The following PDZD2 variants were observed in gnomAD, a reference collection of about 807,000 sequenced individuals.
PDZD2 encodes the protein PDZ domain containing 2.
A neutral mutation model predicts 220.7 loss-of-function variants in PDZD2; 90 were observed. The observed-to-expected ratio is 0.41, with a 90% confidence interval of 0.34 to 0.49. The LOEUF (loss-of-function observed/expected upper bound fraction) is 0.49, where lower values mean the gene tolerates loss of function less well. Ranked by LOEUF, PDZD2 falls within the 20% of genes least tolerant of loss-of-function variation. The probability of loss-of-function intolerance (pLI) is 0.28; values close to 1 mark genes in which losing one functional copy is unlikely to be tolerated. For synonymous variants in PDZD2, 1,375 were observed against 1,450.5 expected (o/e 0.95, Z 1.18); for missense variants, 3,174 against 3,608.5 (o/e 0.88, Z 3.08).
Position 32,090,215 on chromosome 5 carries a change from G to C in PDZD2, c.6767G>C (p.Ser2256Thr), listed in dbSNP as rs1416691766. The C allele has an allele frequency of 1.9e-6, 3 of 1,614,158 alleles. No individual in the cohort carries two copies. The highest frequency in any genetic ancestry group is 2.2e-5 in the East Asian group (1 of 44,870). The change falls in exon 20 of 25, where the codon AGT becomes ACT. Residue 2256 changes from serine (S) to threonine (T), a missense_variant. This residue lies in a region of PDZD2 where 631 missense variants were observed against 789.9 expected (regional missense o/e 0.80). Transcript: ENST00000438447. This position sits in a 1 kb window ranked among gnomAD's most constrained non-coding sequence, Gnocchi z 4.3. ...SRDSQVPVTSSVVPEAKASRG... is the reference protein window; with the variant it reads ...SRDSQVPVTSTVVPEAKASRG... ...GACAGCCAGGTCCCTGTGACAAGCA[G>C]TGTTGTCCCCGAGGCAAAGGCATCC...
At chr5:31,889,569 A>G (rs1740820508) in intron 2 of PDZD2, among the ~76,000 whole-genome samples, 1 of 152,196 alleles carries the variant, frequency 6.6e-6, no homozygotes, top group South Asian at 2.1e-4. Flanking sequence ...ATTAGGTCTG[A>G]AAGGGCCATC....
intron 21 of PDZD2, among the ~76,000 whole-genome samples, chr5:32,094,647 G>C (rs545278833): frequency 4.0e-5 from 6 of 151,324 alleles, no homozygotes; most frequent in Admixed American, 4.0e-4. Flanking sequence ...ATCATCTGAG[G>C]CCAGGAGTTC....
chr5:31,774,495 C>T (rs1043555717), intron 1 of PDZD2, among the ~76,000 whole-genome samples: 6 of 152,106 alleles, frequency 3.9e-5, no homozygotes, highest in South Asian at 2.1e-4. Context: ...AGGCAGATCA[C>T]GTGAGGTCAG....
chr5:32,091,656 G>A (rs1581476914), intron 20 of PDZD2, among the ~76,000 whole-genome samples: 1 of 152,186 alleles, frequency 6.6e-6, no homozygotes, highest in Non-Finnish European at 1.5e-5. Flanking sequence ...AGAAATTAAT[G>A]TTGGAGCAAT....
chr5:32,071,274 G>C (rs1740713782), intron 15 of PDZD2, 110 bp from the exon 16 acceptor site: 8 of 806,122 alleles, frequency 9.9e-6, no homozygotes, highest in South Asian at 9.8e-5. Flanking sequence ...ATCAAGCAAA[G>C]GGAGTTTTGT....
intron 2 of PDZD2, among the ~76,000 whole-genome samples, chr5:31,933,771 C>A (rs1444301231): frequency 6.6e-6 from 1 of 152,162 alleles, no homozygotes; most frequent in Non-Finnish European, 1.5e-5. Context: ...GAAAGTAGAA[C>A]TCAGTGATCT....
chr5:31,735,881 G>T (rs918876557), intron 1 of PDZD2, among the ~76,000 whole-genome samples: 6 of 152,170 alleles, frequency 3.9e-5, no homozygotes, highest in African/African-American at 1.4e-4. Flanking sequence ...GAAGGCAGAG[G>T]TTGCAGTGAG....
intron 1 of PDZD2, among the ~76,000 whole-genome samples, chr5:31,755,217 G>T (rs201534169): frequency 1.3e-5 from 2 of 150,034 alleles, no homozygotes; most frequent in Non-Finnish European, 3.0e-5. Context: ...TCCTAATTTT[G>T]CTGGTTTCTG....
chr5:31,686,789 A>C (rs552060599), intron 1 of PDZD2, among the ~76,000 whole-genome samples: 3 of 152,270 alleles, frequency 2.0e-5, no homozygotes, highest in South Asian at 4.2e-4. Context: ...TATATTTTTC[A>C]AACTTATTTT....
At chr5:31,894,926 T>C (rs34997938) in intron 2 of PDZD2, among the ~76,000 whole-genome samples, 15,162 of 152,156 alleles carry the variant, frequency 0.1, 902 homozygotes, top group East Asian at 0.29. Flanking sequence ...TCTCACCCCA[T>C]GGCCCAGGCT....
chr5:31,885,246 T>A (rs1387517622), intron 2 of PDZD2, among the ~76,000 whole-genome samples: 1 of 151,722 alleles, frequency 6.6e-6, no homozygotes, highest in African/African-American at 2.4e-5. Context: ...TTTTTTTTTT[T>A]AATACTACTC....
chr5:31,823,450 A>G (rs1756028903), intron 2 of PDZD2, among the ~76,000 whole-genome samples: 1 of 152,180 alleles, frequency 6.6e-6, no homozygotes, highest in Non-Finnish European at 1.5e-5. Context: ...CCTGGGAGAC[A>G]GAGTGAGACT....
intron 10 of PDZD2, 23 bp from the exon 11 acceptor site, chr5:32,057,632 T>C: frequency 2.2e-6 from 3 of 1,383,744 alleles, no homozygotes; most frequent in Non-Finnish European, 3.1e-6. Context: ...AATGTTAATG[T>C]AATTCTCACA....
intron 1 of PDZD2, among the ~76,000 whole-genome samples, chr5:31,757,968 A>G (rs1348576718): frequency 6.6e-6 from 1 of 152,156 alleles, no homozygotes; most frequent in African/African-American, 2.4e-5. Context: ...TTTTTATTGC[A>G]CTGTTAATTC....
rs1741066903 is a variant in PDZD2, at chr5:32,074,360, C to A, written c.3254C>A (p.Pro1085His). The change falls in exon 18 of 25, where the codon CCC becomes CAC. Residue 1085 changes from proline to histidine, a missense_variant. By Grantham distance (77) the Pro-to-His change is moderately conservative. Coordinates refer to ENST00000438447, the MANE Select transcript of PDZD2 (RefSeq NM_178140.4). ...KKELSGSSSA[P>H]KLEYTVRTDT... ...GAACTGTCAGGATCAAGTAGCGCAC[C>A]CAAATTGGAATACACAGTCCGTACA... 2 of 1,614,152 alleles carry A rather than the reference C, an allele frequency of 1.2e-6. No individual in the cohort carries two copies. Among genetic ancestry groups the A allele is most frequent in the South Asian group, 1.1e-5 (1 of 91,078 alleles).
At chr5:31,962,182 C>G (rs2111705607) in intron 2 of PDZD2, among the ~76,000 whole-genome samples, 1 of 152,252 alleles carries the variant, frequency 6.6e-6, no homozygotes, top group Admixed American at 6.5e-5. Context: ...CCTTTTTCAG[C>G]TCTTCTCTTA....
At chr5:31,835,751 A>G (rs774144624) in intron 2 of PDZD2, among the ~76,000 whole-genome samples, 7 of 152,296 alleles carry the variant, frequency 4.6e-5, no homozygotes, top group Non-Finnish European at 1.0e-4. Context: ...TTAACTTTTC[A>G]TCAATTGGAC....
intron 2 of PDZD2, among the ~76,000 whole-genome samples, chr5:31,853,967 G>A (rs2150301936): frequency 6.6e-6 from 1 of 152,312 alleles, no homozygotes; most frequent in African/African-American, 2.4e-5. Flanking sequence ...GAAGCCAGGT[G>A]AAATGTGTTT....
chr5:31,956,464 G>A lies in PDZD2; in HGVS notation c.477-26691G>A, dbSNP rs183247170. On this transcript the variant is annotated intron_variant, in intron 2 of 24. Coordinates refer to ENST00000438447, the MANE Select transcript of PDZD2 (RefSeq NM_178140.4). ...CGGGAGGCTGAGGCAGGAGAATGGCGTGAACCCGGGAGACAGAGCTTGCAG... is the reference window on the plus strand; with the variant it reads ...CGGGAGGCTGAGGCAGGAGAATGGCATGAACCCGGGAGACAGAGCTTGCAG... Among the ~76,000 whole-genome samples, 134 of 147,284 alleles carry A rather than the reference G, an allele frequency of 9.1e-4. 1 individual carries two copies. The East Asian group carries it at 0.014, about 15-fold the overall frequency.
Sources: allele counts gnomAD v4.1 joint callset (sites outside exome capture counted in the v4.1 genomes callset), GRCh38; gene constraint gnomAD v4.1.1; regional missense constraint gnomAD v4.1.1; non-coding constraint Gnocchi (gnomAD v3.1); transcripts MANE v1.5; gene names NCBI Gene and HGNC (gene_info 2026-07-23, HGNC 2026-07-21).